The following STMN2 variants were observed in gnomAD, a reference collection of about 807,000 sequenced individuals.
STMN2 encodes stathmin 2.
Under a neutral mutation model 24.1 loss-of-function variants are expected in STMN2, and 2 were observed. That is an observed-to-expected ratio of 0.08 (90% CI 0.03 to 0.26). STMN2 has a LOEUF of 0.26. Among genes scored for constraint, STMN2 ranks in the 10% least tolerant of loss-of-function variants. The pLI, the probability that STMN2 is intolerant of heterozygous loss-of-function variation, is 1.00. For missense variants in STMN2, 114 were observed against 213.6 expected, an observed-to-expected ratio of 0.53 and a Z score of 2.91; for synonymous variants, 83 against 77.5, an observed-to-expected ratio of 1.07 and a Z score of -0.37.
intron 2 of STMN2, among the ~76,000 whole-genome samples, chr8:79,638,644 A>C (rs1301008354): frequency 6.6e-6 from 1 of 152,196 alleles, no homozygotes; most frequent in East Asian, 1.9e-4. Flanking sequence ...TGTGCTTTGC[A>C]TTCAGCATCC....
Position 79,611,138 on chromosome 8 carries a change from C to CG in STMN2, c.-57dup. The CG allele has an allele frequency of 6.8e-6, 11 of 1,612,480 alleles. No individual in the cohort carries two copies. The highest frequency in any genetic ancestry group is 9.3e-6 in the Non-Finnish European group (11 of 1,179,158). On this transcript the variant is annotated 5_prime_UTR_variant, in exon 1 of 5. Transcript: ENST00000220876. ...ATTCAGTCTTCTCTCTCGCTCTCTC[C>CG]GCTGCTGTAGCCGGACCCTTTGCCT...
At chr8:79,613,393 G>A (rs747677653) in intron 1 of STMN2, 15 of 985,402 alleles carry the variant, frequency 1.5e-5, no homozygotes, top group Non-Finnish European at 1.7e-5. Context: ...CCCGGAGTTG[G>A]GCGCTCGCCC....
chr8:79,623,924 G>A (rs1168153243), intron 1 of STMN2, among the ~76,000 whole-genome samples: 1 of 152,122 alleles, frequency 6.6e-6, no homozygotes, highest in African/African-American at 2.4e-5. Context: ...CTTGGTTGAT[G>A]ATTTTTTAAA....
At chr8:79,636,486 C>A (rs1809959299) in intron 1 of STMN2, among the ~76,000 whole-genome samples, 1 of 152,112 alleles carries the variant, frequency 6.6e-6, no homozygotes, top group Non-Finnish European at 1.5e-5. Context: ...CCACTAATTC[C>A]ATCTGTTTCC....
At chr8:79,612,301 T>C (rs1157867083) in intron 1 of STMN2, among the ~76,000 whole-genome samples, 1 of 152,206 alleles carries the variant, frequency 6.6e-6, no homozygotes, top group East Asian at 1.9e-4. Context: ...ACATTTTTCT[T>C]TTCGGAAGCA....
intron 1 of STMN2, among the ~76,000 whole-genome samples, chr8:79,626,842 A>C (rs766093021): frequency 2.6e-5 from 4 of 152,236 alleles, no homozygotes; most frequent in Non-Finnish European, 5.9e-5. Flanking sequence ...ATTAGCAGCA[A>C]ACGAAACCAT....
intron 4 of STMN2, among the ~76,000 whole-genome samples, chr8:79,661,874 A>C (rs547739632): frequency 6.6e-6 from 1 of 152,080 alleles, no homozygotes; most frequent in South Asian, 2.1e-4. Flanking sequence ...CTCACTCCTG[A>C]CCCCTTTTTT....
Position 79,664,855 on chromosome 8 carries a change from A to T in STMN2, c.521A>T (p.Gln174Leu). 1 of 1,613,224 alleles carries T rather than the reference A, an allele frequency of 6.2e-7. No homozygotes were observed. The highest frequency in any genetic ancestry group is 8.5e-7 in the Non-Finnish European group (1 of 1,179,534). Residue 174 changes from glutamine (Q) to leucine (L), a missense_variant, in exon 5 of 5, where the codon CAG (glutamine) becomes CTG (leucine). By Grantham distance (113) the Gln-to-Leu change is moderately radical (BLOSUM62 -2). Transcript: ENST00000220876. ...AAEVRRNKEL[Q>L]VELSG ...GAGGTGCGCAGGAACAAGGAACTCCAGGTTGAACTGTCTGGCTGAAGCAAG... is the reference window on the plus strand; with the variant it reads ...GAGGTGCGCAGGAACAAGGAACTCCTGGTTGAACTGTCTGGCTGAAGCAAG...
At position 79,625,628 on chromosome 8, in the gene STMN2, A is replaced by AGTTT. The variant is rs1355855302; in HGVS notation, c.20-11173_20-11172insTTTG. On this transcript the variant is annotated intron_variant, in intron 1 of 4. Coordinates refer to ENST00000220876, the MANE Select transcript of STMN2 (RefSeq NM_007029.4). ...ATAAGGCTCCACAACACTTGGCTAT[A>AGTTT]GCAAAGCCCCTTAAAACTTCAAAAG... Among the ~76,000 whole-genome samples the AGTTT allele has an allele frequency of 2.0e-5, 3 of 152,348 alleles. No homozygotes were observed. In the East Asian group the frequency reaches 5.8e-4, roughly 29 times the overall value.
intron 1 of STMN2, among the ~76,000 whole-genome samples, chr8:79,613,231 T>C (rs1290953808): frequency 6.8e-6 from 1 of 146,436 alleles, no homozygotes; most frequent in Non-Finnish European, 1.5e-5. Flanking sequence ...AGGGAGACCC[T>C]CGCTCCTCCA....
intron 3 of STMN2, among the ~76,000 whole-genome samples, chr8:79,650,728 A>G (rs1004495035): frequency 5.3e-5 from 8 of 152,130 alleles, no homozygotes; most frequent in African/African-American, 1.9e-4. Context: ...AGACCTCAGG[A>G]ACTGAGGTAG....
intron 3 of STMN2, among the ~76,000 whole-genome samples, chr8:79,650,635 G>A (rs77161641): frequency 0.011 from 1,648 of 152,304 alleles, 36 homozygotes; most frequent in African/African-American, 0.038. Flanking sequence ...AGTTAGAGGA[G>A]TTATGGGCAG....
chr8:79,626,170 G>A (rs943092667), intron 1 of STMN2, among the ~76,000 whole-genome samples: 5 of 152,074 alleles, frequency 3.3e-5, no homozygotes, highest in Non-Finnish European at 7.4e-5. Context: ...TCCTGACCTA[G>A]AGCTCAAATC....
chr8:79,636,979 A>G, intron 2 of STMN2, 82 bp downstream of exon 2: 1 of 1,231,706 alleles, frequency 8.1e-7, no homozygotes, highest in Non-Finnish European at 1.2e-6. Context: ...ACAGCTCCTG[A>G]TATAATTACA....
At chr8:79,631,203 T>C (rs905131497) in intron 1 of STMN2, among the ~76,000 whole-genome samples, 1 of 152,196 alleles carries the variant, frequency 6.6e-6, no homozygotes, top group African/African-American at 2.4e-5. Flanking sequence ...GTCATCTAGT[T>C]TCTTTTCCTT....
chr8:79,652,730 T>G (rs1221378718), intron 3 of STMN2, among the ~76,000 whole-genome samples: 3 of 152,108 alleles, frequency 2.0e-5, no homozygotes, highest in East Asian at 3.9e-4. Context: ...TTATTTTGTT[T>G]GATCCTGACA....
intron 4 of STMN2, among the ~76,000 whole-genome samples, chr8:79,656,805 A>G (rs1806382123): frequency 6.6e-6 from 1 of 152,152 alleles, no homozygotes; most frequent in Admixed American, 6.5e-5. Flanking sequence ...GATTTATATC[A>G]CTGGCAGTCC....
intron 1 of STMN2, among the ~76,000 whole-genome samples, chr8:79,616,608 C>T (rs923427178): frequency 9.2e-5 from 14 of 152,192 alleles, no homozygotes; most frequent in African/African-American, 3.4e-4. Context: ...GACCACTAAA[C>T]ACATCAGTTT....
chr8:79,611,467 C>A (rs2130282526), intron 1 of STMN2, among the ~76,000 whole-genome samples: 1 of 152,200 alleles, frequency 6.6e-6, no homozygotes, highest in East Asian at 1.9e-4. Context: ...AGAATTTATT[C>A]TGTTTCCATA....
Sources: allele counts gnomAD v4.1 joint callset (sites outside exome capture counted in the v4.1 genomes callset), GRCh38; gene constraint gnomAD v4.1.1; transcripts MANE v1.5; gene names NCBI Gene and HGNC (gene_info 2026-07-23, HGNC 2026-07-21).